Variants in TENM1 observed in about 807,000 individuals in gnomAD.
TENM1 encodes teneurin transmembrane protein 1.
TENM1 carries 35 observed loss-of-function variants against 174.8 expected under a neutral mutation model. The ratio of observed to expected loss-of-function variants is 0.20; its 90% CI spans 0.15 to 0.27. The LOEUF is 0.27. Ranked by LOEUF, TENM1 falls within the 10% of genes least tolerant of loss-of-function variation. The pLI is 1.00. For synonymous variants in TENM1, 781 were observed against 798.7 expected, an observed-to-expected ratio of 0.98 and a Z score of 0.37; for missense variants, 1,633 against 2,130.1, an observed-to-expected ratio of 0.77 and a Z score of 4.59.
In TENM1 at chrX:124,868,958, C is replaced by T. The variant is rs1453056320; in HGVS notation, c.535+25338G>A. Reference sequence around the variant, plus strand: ...GATCTCACCCGGCTGGGCGTGGTGGCTCACGCCTGTAATCCCAGCACTTTG... The same window carrying T: ...GATCTCACCCGGCTGGGCGTGGTGGTTCACGCCTGTAATCCCAGCACTTTG... On this transcript the variant is annotated intron_variant, in intron 3 of 31. Coordinates refer to ENST00000422452, the Ensembl canonical transcript of TENM1. Among the ~76,000 whole-genome samples the T allele has an allele frequency of 4.6e-5, 5 of 109,054 alleles. No individual in the cohort carries two copies. The East Asian group carries it at 1.4e-3, about 31-fold the overall frequency. 94.7% of individuals were successfully genotyped at this position (109,054 alleles called of 115,157 possible). A position where few individuals can be genotyped will look rare whatever the true frequency, so the allele number is the denominator to read the frequency against.
chrX:124,804,791 A>C (rs1227587708), intron 3 of TENM1, among the ~76,000 whole-genome samples: 1 of 112,069 alleles, frequency 8.9e-6, no homozygotes, highest in Non-Finnish European at 1.9e-5. Flanking sequence ...TTCGAGATAT[A>C]GACAAACCAA....
chrX:125,188,864 T>C, the TENM1 span, among the ~76,000 whole-genome samples: 1 of 112,168 alleles, frequency 8.9e-6, no homozygotes. Context: ...TCTGCTCAGA[T>C]GTTCATGTGG....
At chrX:124,746,180 A>G (rs1309127596) in intron 3 of TENM1, among the ~76,000 whole-genome samples, 1 of 112,247 alleles carries the variant, frequency 8.9e-6, no homozygotes, top group Non-Finnish European at 1.9e-5. Flanking sequence ...TTTGAATTCA[A>G]TCAAGTTTTA....
At chrX:124,997,452 G>C in the TENM1 span, among the ~76,000 whole-genome samples, 1 of 111,213 alleles carries the variant, frequency 9.0e-6, no homozygotes, top group African/African-American at 3.3e-5. Context: ...ATTAAATAAG[G>C]GTCCTCCTAA....
chrX:124,984,321 C>T, the TENM1 span, among the ~76,000 whole-genome samples: 1 of 112,129 alleles, frequency 8.9e-6, no homozygotes, highest in Non-Finnish European at 1.9e-5. Flanking sequence ...TAGATGTCTA[C>T]CTGTCAACAC....
the TENM1 span, among the ~76,000 whole-genome samples, chrX:125,200,639 G>A: frequency 1.7e-5 from 1 of 59,632 alleles, no homozygotes; most frequent in African/African-American, 8.9e-5. Flanking sequence ...CCGTGTGTGT[G>A]TGTGTGTGTG....
chrX:124,996,858 C>T, the TENM1 span, among the ~76,000 whole-genome samples: 1 of 110,508 alleles, frequency 9.0e-6, no homozygotes, highest in South Asian at 3.8e-4. Context: ...AAAGATCTAC[C>T]CATGTGAAAC....
chrX:124,603,472 A>G (rs771925097), intron 11 of TENM1, among the ~76,000 whole-genome samples: 1 of 111,191 alleles, frequency 9.0e-6, no homozygotes, highest in Non-Finnish European at 1.9e-5. Flanking sequence ...TCTATGTTAG[A>G]GGTACTGTTA....
intron 22 of TENM1, among the ~76,000 whole-genome samples, chrX:124,476,506 C>A: frequency 8.9e-6 from 1 of 111,810 alleles, no homozygotes; most frequent in East Asian, 2.8e-4. Context: ...CTGGATATTG[C>A]CTAAGTTCTG....
chrX:124,741,949 G>A (rs769751329), intron 3 of TENM1, among the ~76,000 whole-genome samples: 1 of 112,152 alleles, frequency 8.9e-6, no homozygotes, highest in Non-Finnish European at 1.9e-5. Flanking sequence ...AATGGCAAAG[G>A]AAAAAATTAA....
At chrX:124,985,898 A>G in the TENM1 span, among the ~76,000 whole-genome samples, 5,931 of 111,050 alleles carry the variant, frequency 0.053, 441 homozygotes, top group African/African-American at 0.18. Flanking sequence ...CAAAAATTAA[A>G]CGTGGCACAT....
At chrX:125,030,250 G>A in the TENM1 span, among the ~76,000 whole-genome samples, 1 of 111,628 alleles carries the variant, frequency 9.0e-6, no homozygotes, top group African/African-American at 3.3e-5. Context: ...GAAGAAGGTC[G>A]GCGTTTAGGA....
chrX:124,636,425 C>T (rs1418592757), intron 11 of TENM1, among the ~76,000 whole-genome samples: 1 of 111,899 alleles, frequency 8.9e-6, no homozygotes. Context: ...AGTTTTGGGT[C>T]ATACCTATCC....
chrX:125,039,695 G>T, the TENM1 span, among the ~76,000 whole-genome samples: 1 of 111,301 alleles, frequency 9.0e-6, no homozygotes, highest in African/African-American at 3.3e-5. Flanking sequence ...AAAGTATAGT[G>T]ATTTTAGATT....
At chrX:124,895,572 C>T (rs2057548827) in intron 2 of TENM1, among the ~76,000 whole-genome samples, 1 of 111,711 alleles carries the variant, frequency 9.0e-6, no homozygotes, top group Admixed American at 9.5e-5. Flanking sequence ...TAAGCACATA[C>T]AGAATATGCT....
At chrX:124,643,619 C>T (rs1373321323) in intron 10 of TENM1, among the ~76,000 whole-genome samples, 2 of 111,558 alleles carry the variant, frequency 1.8e-5, no homozygotes, top group Admixed American at 1.9e-4. Flanking sequence ...AAACAAAACC[C>T]ATTCAGAGGC....
At position 124,530,500 on chromosome X, in the gene TENM1, C is replaced by G. The variant is rs747243778; in HGVS notation, c.2652-517G>C. 9.9e-5 allele frequency among the ~76,000 whole-genome samples: 11 copies of G among 111,110 alleles called. No individual in the cohort carries two copies. The South Asian group carries it at 3.9e-3, about 39-fold the overall frequency. On this transcript the variant is annotated intron_variant, in intron 15 of 31. Coordinates refer to ENST00000422452, the Ensembl canonical transcript of TENM1. ...TAAAGTCCCTACTGACCGCCTTTTT[C>G]CTGCTTCTTGGTGTTCTCATCAGAG...
In TENM1 at chrX:124,835,193, G is replaced by A. The variant is rs764485854; in HGVS notation, c.535+59103C>T. On this transcript the variant is annotated intron_variant, in intron 3 of 31. Coordinates refer to ENST00000422452, the Ensembl canonical transcript of TENM1. ...TCATTTTGTGACCTGGCCAACTTCT[G>A]TCTGTCCTTTAAAACTTCTCAGCAC... is the stretch of plus-strand genomic sequence containing the variant. Among the ~76,000 whole-genome samples, 10 of 112,074 alleles carry A rather than the reference G, an allele frequency of 8.9e-5. No homozygotes were observed. In the South Asian group the frequency reaches 3.4e-3, roughly 38 times the overall value.
At chrX:124,488,782 A>G (rs1367641957) in intron 20 of TENM1, among the ~76,000 whole-genome samples, 1 of 112,259 alleles carries the variant, frequency 8.9e-6, no homozygotes, top group Non-Finnish European at 1.9e-5. Context: ...GAAGGATCTC[A>G]TTAAAATATG....
Sources: allele counts gnomAD v4.1 joint callset (sites outside exome capture counted in the v4.1 genomes callset), GRCh38; gene constraint gnomAD v4.1.1; transcripts MANE v1.5; gene names NCBI Gene and HGNC (gene_info 2026-07-23, HGNC 2026-07-21).